NFATC2: variants seen among roughly 807,000 people sequenced by gnomAD.
The protein encoded by NFATC2 is nuclear factor of activated T cells 2.
A neutral mutation model predicts 87.3 loss-of-function variants in NFATC2; 22 were observed. That is an observed-to-expected ratio of 0.25 (90% confidence interval 0.18 to 0.36). The LOEUF (loss-of-function observed/expected upper bound fraction) is 0.36. NFATC2 is among the 10% of genes least tolerant of loss of function. The pLI, the probability that NFATC2 is intolerant of heterozygous loss-of-function variation, is 1.00. For synonymous variants in NFATC2, 565 were observed against 542.2 expected, an observed-to-expected ratio of 1.04 and a Z score of -0.58; for missense variants, 1,149 against 1,259.1, an observed-to-expected ratio of 0.91 and a Z score of 1.32.
chr20:51,477,566 TATATATATATATATAA>T (rs1179065055), intron 3 of NFATC2, among the ~76,000 whole-genome samples: 2,561 of 101,896 alleles, frequency 0.025, 41 homozygotes, highest in Middle Eastern at 0.052. Context: ...TATATATATA[TATATATATATATATAA>T]AATAACAAGA....
intron 9 of NFATC2, among the ~76,000 whole-genome samples, chr20:51,422,318 C>T (rs1008687299): frequency 2.0e-5 from 3 of 152,150 alleles, no homozygotes; most frequent in Non-Finnish European, 4.4e-5. Flanking sequence ...ATCCCCAAAC[C>T]TGAGAGCAGC....
intron 3 of NFATC2, among the ~76,000 whole-genome samples, chr20:51,496,679 C>T (rs1462944457): frequency 1.3e-5 from 2 of 152,122 alleles, no homozygotes; most frequent in South Asian, 2.1e-4. Context: ...TTTACAGGCA[C>T]AGAGAAGTTA....
At chr20:51,548,759 G>A (rs986176559) in intron 1 of NFATC2, among the ~76,000 whole-genome samples, 3 of 152,118 alleles carry the variant, frequency 2.0e-5, no homozygotes, top group Admixed American at 6.6e-5. Flanking sequence ...GAAGAATGGC[G>A]CCCAACAGAG....
At chr20:51,468,287 T>C (rs1406755725) in intron 5 of NFATC2, among the ~76,000 whole-genome samples, 4 of 147,650 alleles carry the variant, frequency 2.7e-5, no homozygotes, top group African/African-American at 1.0e-4. Context: ...CTACAATCTA[T>C]GCAATCTACT....
At chr20:51,531,062 T>A (rs1600967697) in intron 1 of NFATC2, among the ~76,000 whole-genome samples, 1 of 152,224 alleles carries the variant, frequency 6.6e-6, no homozygotes, top group African/African-American at 2.4e-5. Context: ...AATTACTTGA[T>A]CCTCACAGCC....
chr20:51,433,753 GCATGCA>G (rs1983124797), intron 8 of NFATC2, among the ~76,000 whole-genome samples: 1 of 123,612 alleles, frequency 8.1e-6, no homozygotes, highest in Non-Finnish European at 1.7e-5. Flanking sequence ...GTGTGTTCAT[GCATGCA>G]TGTGTGTGTG....
intron 10 of NFATC2, among the ~76,000 whole-genome samples, chr20:51,393,374 C>T (rs989671160): frequency 5.3e-5 from 8 of 152,266 alleles, no homozygotes; most frequent in African/African-American, 1.9e-4. Context: ...TCACAGTGCC[C>T]AGCGTTCAGC....
At chr20:51,492,760 G>C (rs1433531112) in intron 3 of NFATC2, among the ~76,000 whole-genome samples, 2 of 152,216 alleles carry the variant, frequency 1.3e-5, no homozygotes, top group African/African-American at 4.8e-5. Context: ...CCACACAAGG[G>C]AGGAAGCTCG....
At chr20:51,512,767 G>A (rs1434728596) in intron 3 of NFATC2, among the ~76,000 whole-genome samples, 1 of 152,188 alleles carries the variant, frequency 6.6e-6, no homozygotes, top group Non-Finnish European at 1.5e-5. Context: ...AGAGAGAAGG[G>A]TGGAGACTGA....
chr20:51,492,281 G>A (rs1009379263), intron 3 of NFATC2, among the ~76,000 whole-genome samples: 1 of 151,336 alleles, frequency 6.6e-6, no homozygotes, highest in Non-Finnish European at 1.5e-5. Flanking sequence ...GAGCCCCGCC[G>A]CACCCCGCCG....
In NFATC2 at chr20:51,468,203, C is replaced by A. The variant is rs149731179; in HGVS notation, c.1708+5777G>T. On this transcript the variant is annotated intron_variant, in intron 5 of 10. Transcript: ENST00000371564. Reference sequence around the variant, plus strand: ...TGGCTGAAGGGACATGGGGAACGTTCAAGAGTGAAGAAAGTGCTCTGTCTT... The same window carrying A: ...TGGCTGAAGGGACATGGGGAACGTTAAAGAGTGAAGAAAGTGCTCTGTCTT... 3.9e-3 allele frequency among the ~76,000 whole-genome samples: 588 copies of A among 152,280 alleles called. 5 individuals are homozygous for A. Among genetic ancestry groups the A allele is most frequent in the African/African-American group, 0.013 (548 of 41,552 alleles).
intron 1 of NFATC2, among the ~76,000 whole-genome samples, chr20:51,539,504 G>A (rs1369476473): frequency 2.6e-5 from 4 of 152,084 alleles, no homozygotes; most frequent in Admixed American, 2.6e-4. Context: ...GTTGGTTTGA[G>A]ACAGGGTTTC....
chr20:51,498,535 C>T lies in NFATC2; in HGVS notation c.1332+18249G>A, dbSNP rs549481090. Among the ~76,000 whole-genome samples, 69 of 152,280 alleles carry T rather than the reference C, an allele frequency of 4.5e-4. No homozygotes were observed. The Middle Eastern group carries it at 0.027, about 60-fold the overall frequency. On this transcript the variant is annotated intron_variant, in intron 3 of 10. Coordinates refer to ENST00000371564, the MANE Select transcript of NFATC2 (RefSeq NM_012340.5). Reference sequence around the variant, plus strand: ...AACAGAGGCCAGGCATGGTGGCTCACGCCTGTAATCCCAGCACTTTGGGAG... The same window carrying T: ...AACAGAGGCCAGGCATGGTGGCTCATGCCTGTAATCCCAGCACTTTGGGAG...
At chr20:51,506,431 T>C (rs2076181216) in intron 3 of NFATC2, among the ~76,000 whole-genome samples, 1 of 152,180 alleles carries the variant, frequency 6.6e-6, no homozygotes. Flanking sequence ...ACATTCGCAA[T>C]GTCTCCCAGG....
intron 6 of NFATC2, among the ~76,000 whole-genome samples, chr20:51,441,815 C>T (rs997929515): frequency 6.6e-6 from 1 of 151,586 alleles, no homozygotes; most frequent in Non-Finnish European, 1.5e-5. Flanking sequence ...TAGTAAAATT[C>T]CCAGCGCATA....
At chr20:51,533,874 G>A (rs1329385971) in intron 1 of NFATC2, among the ~76,000 whole-genome samples, 1 of 152,184 alleles carries the variant, frequency 6.6e-6, no homozygotes, top group Non-Finnish European at 1.5e-5. Context: ...CAGGCCTCAA[G>A]GTCACCTTTT....
chr20:51,489,019 G>A (rs776144849), intron 3 of NFATC2, among the ~76,000 whole-genome samples: 23 of 152,134 alleles, frequency 1.5e-4, no homozygotes, highest in Admixed American at 6.5e-4. Context: ...CGAAACCCCC[G>A]TCTCTACTAA....
chr20:51,504,923 GA>G (rs1555808952), intron 3 of NFATC2, among the ~76,000 whole-genome samples: 1 of 146,612 alleles, frequency 6.8e-6, no homozygotes, highest in East Asian at 2.0e-4. Context: ...AGGCGCAGGG[GA>G]AAAAAAAGAC....
At chr20:51,418,402 T>C (rs773829762) in intron 9 of NFATC2, among the ~76,000 whole-genome samples, 1 of 151,726 alleles carries the variant, frequency 6.6e-6, no homozygotes, top group Admixed American at 6.5e-5. Flanking sequence ...ATCCGGTGCA[T>C]TGAGGCCAGG....
Sources: gnomAD v4.1 joint callset for allele counts (sites outside exome capture counted in the v4.1 genomes callset) on GRCh38, gnomAD v4.1.1 for gene constraint, MANE v1.5 for transcripts, NCBI Gene and HGNC (gene_info 2026-07-23, HGNC 2026-07-21) for gene names.